MTHFD1L: variants seen among roughly 807,000 people sequenced by gnomAD.
The protein encoded by MTHFD1L is monofunctional C1-tetrahydrofolate synthase, mitochondrial.
MTHFD1L carries 81 observed loss-of-function variants against 119.5 expected under a neutral mutation model. The observed-to-expected ratio is 0.68, with a 90% CI of 0.57 to 0.82. The LOEUF (loss-of-function observed/expected upper bound fraction) is 0.82. Ranked by LOEUF, MTHFD1L falls within the 40% of genes least tolerant of loss-of-function variation. The pLI, the probability that MTHFD1L is intolerant of heterozygous loss-of-function variation, is 0.00. For missense variants in MTHFD1L, 1,125 were observed against 1,253.4 expected, an observed-to-expected ratio of 0.90 and a Z score of 1.55; for synonymous variants, 430 against 475.2, an observed-to-expected ratio of 0.90 and a Z score of 1.24.
intron 20 of MTHFD1L, among the ~76,000 whole-genome samples, chr6:150,990,277 CA>C (rs201758591): frequency 0.067 from 8,403 of 125,572 alleles, 247 homozygotes; most frequent in African/African-American, 0.11. Context: ...GATTCTGTCT[CA>C]AAAAAAAAAA....
chr6:150,939,871 G>A (rs1040883368), intron 13 of MTHFD1L, among the ~76,000 whole-genome samples: 2 of 151,934 alleles, frequency 1.3e-5, no homozygotes, highest in Non-Finnish European at 2.9e-5. Context: ...TTTTAGTAGA[G>A]ACGGGGTTTC....
At chr6:150,965,168 A>C (rs1797008846) in intron 19 of MTHFD1L, 131 bp downstream of exon 19, 1 of 739,578 alleles carries the variant, frequency 1.4e-6, no homozygotes, top group Non-Finnish European at 2.3e-6. Context: ...TCTCAGGCAG[A>C]AAGAGTGAGG....
At chr6:150,886,350 C>T (rs935382816) in intron 6 of MTHFD1L, among the ~76,000 whole-genome samples, 18 of 149,922 alleles carry the variant, frequency 1.2e-4, no homozygotes, top group Middle Eastern at 3.5e-3. Context: ...GCGGGAAGAT[C>T]GCTTGAGCCC....
At chr6:150,880,728 C>T (rs1781270782) in intron 4 of MTHFD1L, among the ~76,000 whole-genome samples, 1 of 152,180 alleles carries the variant, frequency 6.6e-6, no homozygotes, top group Non-Finnish European at 1.5e-5. Flanking sequence ...CAACAGTGTA[C>T]AAGAGCTCCC....
Position 150,938,685 on chromosome 6 carries a change from G to C in MTHFD1L, c.1394-14G>C. On this transcript the variant is annotated splice_polypyrimidine_tract_variant and intron_variant, in intron 12 of 27. Coordinates refer to ENST00000367321, the MANE Select transcript of MTHFD1L (RefSeq NM_015440.5). ...TGGTGACCCGTTTGAAATGCCTCTT[G>C]CTCTGTTGTTTAGGAGGAGCCGCGG... The C allele has an allele frequency of 6.2e-7, 1 of 1,607,768 alleles. No homozygotes were observed. The highest frequency in any genetic ancestry group is 8.5e-7 in the Non-Finnish European group (1 of 1,177,548).
At chr6:151,055,593 T>C (rs953338118) in intron 26 of MTHFD1L, among the ~76,000 whole-genome samples, 5 of 151,484 alleles carry the variant, frequency 3.3e-5, no homozygotes, top group Admixed American at 2.6e-4. Context: ...AGTGGCGCGA[T>C]CTCGGCTCAC....
intron 12 of MTHFD1L, among the ~76,000 whole-genome samples, chr6:150,937,963 A>G (rs1195161971): frequency 6.6e-6 from 1 of 152,168 alleles, no homozygotes; most frequent in Non-Finnish European, 1.5e-5. Flanking sequence ...TCTGAAATAA[A>G]TTGAAGTTTA....
chr6:151,043,523 A>G (rs1787471075), intron 26 of MTHFD1L, among the ~76,000 whole-genome samples: 1 of 151,942 alleles, frequency 6.6e-6, no homozygotes, highest in African/African-American at 2.4e-5. Context: ...GCGCCCGGCC[A>G]TCTCTCACAG....
At chr6:151,069,280 T>C (rs987302203) in intron 26 of MTHFD1L, among the ~76,000 whole-genome samples, 19 of 147,964 alleles carry the variant, frequency 1.3e-4, no homozygotes, top group African/African-American at 3.8e-4. Flanking sequence ...TCTCTCTCTC[T>C]CCCTCCCTCT....
At chr6:150,907,220 G>A (rs1786069557) in intron 8 of MTHFD1L, among the ~76,000 whole-genome samples, 1 of 152,146 alleles carries the variant, frequency 6.6e-6, no homozygotes, top group South Asian at 2.1e-4. Context: ...CTACTTTGAT[G>A]TTCTGGAATC....
chr6:150,903,980 C>T (rs1583472491), intron 7 of MTHFD1L, among the ~76,000 whole-genome samples: 1 of 152,194 alleles, frequency 6.6e-6, no homozygotes, highest in South Asian at 2.1e-4. Flanking sequence ...CGTGCTCCTC[C>T]TCTGTCAGGG....
intron 20 of MTHFD1L, among the ~76,000 whole-genome samples, chr6:151,005,705 C>T (rs1209877630): frequency 1.3e-5 from 2 of 152,074 alleles, no homozygotes; most frequent in South Asian, 2.1e-4. Context: ...ACCCAGGAGA[C>T]GGAGGTTGCA....
chr6:150,980,723 A>AAAAG (rs1554269191), intron 20 of MTHFD1L, among the ~76,000 whole-genome samples: 33 of 151,446 alleles, frequency 2.2e-4, no homozygotes, highest in African/African-American at 7.0e-4. Context: ...AAAAAAAAAA[A>AAAAG]AAAGAAAGAA....
intron 11 of MTHFD1L, among the ~76,000 whole-genome samples, chr6:150,927,389 G>A (rs771858122): frequency 4.0e-5 from 6 of 151,530 alleles, no homozygotes; most frequent in Non-Finnish European, 8.8e-5. Context: ...CTCCATGTGA[G>A]TGAATATTGA....
intron 8 of MTHFD1L, among the ~76,000 whole-genome samples, chr6:150,908,460 A>G (rs1786304334): frequency 6.6e-6 from 1 of 151,568 alleles, no homozygotes; most frequent in African/African-American, 2.4e-5. Context: ...TCTTGTCTCT[A>G]TTAAAAATAC....
At chr6:150,889,171 C>T (rs1266973793) in intron 7 of MTHFD1L, among the ~76,000 whole-genome samples, 2 of 102,800 alleles carry the variant, frequency 1.9e-5, no homozygotes, top group Non-Finnish European at 3.8e-5. Flanking sequence ...AGTGAGACTC[C>T]GTCTCAAAAA....
chr6:150,914,901 C>T (rs1387719630), intron 8 of MTHFD1L, among the ~76,000 whole-genome samples: 1 of 152,170 alleles, frequency 6.6e-6, no homozygotes, highest in Non-Finnish European at 1.5e-5. Flanking sequence ...TCAATCCGAC[C>T]CTACTTGCCT....
intron 26 of MTHFD1L, among the ~76,000 whole-genome samples, chr6:151,082,759 A>G (rs188346812): frequency 6.6e-5 from 10 of 152,314 alleles, no homozygotes; most frequent in African/African-American, 1.9e-4. Flanking sequence ...ATATATTGTT[A>G]TACTCATGCT....
At chr6:151,015,727 T>C in intron 24 of MTHFD1L, 34 bp downstream of exon 24, 1 of 1,603,334 alleles carries the variant, frequency 6.2e-7, no homozygotes. Flanking sequence ...CTCACATTTC[T>C]TACACCTTAG....
Sources: gnomAD v4.1 joint callset for allele counts (sites outside exome capture counted in the v4.1 genomes callset) on GRCh38, gnomAD v4.1.1 for gene constraint, MANE v1.5 for transcripts, NCBI Gene and HGNC (gene_info 2026-07-23, HGNC 2026-07-21) for gene names.